The following DPF3 variants were observed in gnomAD, a reference collection of about 807,000 sequenced individuals.
DPF3 encodes double PHD fingers 3.
In DPF3, 18 loss-of-function variants were observed where a neutral mutation model predicts 56.8. The observed-to-expected ratio is 0.32, with a 90% CI of 0.22 to 0.47. The LOEUF (loss-of-function observed/expected upper bound fraction) is 0.47, where lower values mean the gene tolerates loss of function less well. Ranked by LOEUF, DPF3 falls within the 20% of genes least tolerant of loss-of-function variation. The probability of loss-of-function intolerance (pLI) is 1.00; values close to 1 mark genes in which losing one functional copy is unlikely to be tolerated. For synonymous variants in DPF3, 188 were observed against 180.2 expected (o/e 1.04, Z -0.35); for missense variants, 403 against 488.8 (o/e 0.82, Z 1.65).
chr14:72,756,867 AGAAAG>A (rs1890829017), intron 2 of DPF3, among the ~76,000 whole-genome samples: 6 of 117,156 alleles, frequency 5.1e-5, no homozygotes, highest in Admixed American at 8.6e-5. Context: ...AAAGAAAGAA[AGAAAG>A]GAAGGAAAGA....
intron 5 of DPF3, among the ~76,000 whole-genome samples, chr14:72,720,418 G>A (rs1007615672): frequency 6.6e-6 from 1 of 152,204 alleles, no homozygotes; most frequent in Non-Finnish European, 1.5e-5. Context: ...CAGCACAGGA[G>A]GCTTGCCCAC....
chr14:72,740,352 G>A (rs368358006), intron 3 of DPF3, among the ~76,000 whole-genome samples: 34 of 152,330 alleles, frequency 2.2e-4, no homozygotes, highest in South Asian at 1.7e-3. Flanking sequence ...GAAGGGGGTC[G>A]GAGCAGATGT....
chr14:72,698,713 T>C (rs986729131), intron 6 of DPF3, among the ~76,000 whole-genome samples: 7 of 152,134 alleles, frequency 4.6e-5, no homozygotes, highest in Non-Finnish European at 1.0e-4. Flanking sequence ...TAGGCTACAC[T>C]ATGGTTTAGT....
intron 4 of DPF3, among the ~76,000 whole-genome samples, chr14:72,730,446 C>T (rs984051066): frequency 2.6e-5 from 4 of 152,110 alleles, no homozygotes; most frequent in Admixed American, 6.5e-5. Context: ...CATCTTAACA[C>T]GGGAATGGCG....
At chr14:72,857,742 A>G (rs1885224336) in intron 1 of DPF3, among the ~76,000 whole-genome samples, 2 of 151,978 alleles carry the variant, frequency 1.3e-5, no homozygotes, top group African/African-American at 2.4e-5. Flanking sequence ...ACACGCCACC[A>G]TGCCCAGCTA....
At chr14:72,697,760 G>T (rs1319797348) in intron 6 of DPF3, among the ~76,000 whole-genome samples, 1 of 152,136 alleles carries the variant, frequency 6.6e-6, no homozygotes, top group East Asian at 1.9e-4. Flanking sequence ...ATGAGGACTT[G>T]TGCATGGAGA....
chr14:72,795,495 G>T (rs76504456), intron 1 of DPF3, among the ~76,000 whole-genome samples: 2 of 151,976 alleles, frequency 1.3e-5, no homozygotes, highest in East Asian at 1.9e-4. Flanking sequence ...CAAAATGCAC[G>T]CAGAATCTTT....
intron 1 of DPF3, among the ~76,000 whole-genome samples, chr14:72,844,625 C>T (rs963623436): frequency 3.9e-5 from 6 of 152,142 alleles, no homozygotes; most frequent in East Asian, 1.9e-4. Context: ...CACACACTCA[C>T]GCACAAACAC....
At chr14:72,776,726 C>T (rs966199077) in intron 1 of DPF3, among the ~76,000 whole-genome samples, 5 of 152,180 alleles carry the variant, frequency 3.3e-5, no homozygotes, top group African/African-American at 1.2e-4. Context: ...GGGCTCCTCC[C>T]TTTCACTGTC....
intron 1 of DPF3, among the ~76,000 whole-genome samples, chr14:72,839,421 C>T (rs1295603617): frequency 3.3e-5 from 5 of 152,146 alleles, no homozygotes; most frequent in Non-Finnish European, 5.9e-5. Flanking sequence ...ACCAGCCCAC[C>T]GAATAAGCCA....
chr14:72,756,423 C>T (rs971534343), intron 2 of DPF3, among the ~76,000 whole-genome samples: 14 of 152,182 alleles, frequency 9.2e-5, no homozygotes, highest in Non-Finnish European at 1.5e-4. Flanking sequence ...ATGCACATTG[C>T]ACAAGTTCAG....
chr14:72,703,930 T>C (rs1356972149), intron 6 of DPF3, among the ~76,000 whole-genome samples: 1 of 152,212 alleles, frequency 6.6e-6, no homozygotes, highest in Non-Finnish European at 1.5e-5. Flanking sequence ...CTTGATTCAG[T>C]ATAAAGAAAA....
intron 8 of DPF3, among the ~76,000 whole-genome samples, chr14:72,639,108 C>T (rs1003121675): frequency 1.1e-4 from 17 of 152,194 alleles, no homozygotes; most frequent in Admixed American, 3.9e-4. Flanking sequence ...TGAGCCAGTG[C>T]GCCATTTTTA....
At chr14:72,670,063 G>A (rs1222002559) in intron 8 of DPF3, 1 of 985,704 alleles carries the variant, frequency 1.0e-6, no homozygotes, top group African/African-American at 1.7e-5. Context: ...ATTTCAGGAA[G>A]TGCTATTGGA....
chr14:72,635,285 A>C (rs1228177708), intron 8 of DPF3, among the ~76,000 whole-genome samples: 2 of 152,174 alleles, frequency 1.3e-5, no homozygotes, highest in Non-Finnish European at 2.9e-5. Context: ...GGCTGGGAGT[A>C]CCCGGTGTTT....
rs59858422 is a variant in DPF3 at position 72,864,671 on chromosome 14, CGGATGGATGGAT to C, written c.32+29374_32+29385del. Among the ~76,000 whole-genome samples, 711 of 151,162 alleles carry C rather than the reference CGGATGGATGGAT, an allele frequency of 4.7e-3. 5 individuals carry two copies. The highest frequency in any genetic ancestry group is 9.5e-3 in the Admixed American group (144 of 15,176). On this transcript the variant is annotated intron_variant, in intron 1 of 10. Transcript: ENST00000556509. ...GCCCAGGTTGGCACTCAGTAATTAG[CGGATGGATGGAT>C]GGATGGATGGATGGATGGATGGATG...
chr14:72,756,949 G>GAAGA (rs1285144605), intron 2 of DPF3, among the ~76,000 whole-genome samples: 86 of 90,634 alleles, frequency 9.5e-4, no homozygotes, highest in Non-Finnish European at 1.6e-3. Context: ...AGAAGAGAAA[G>GAAGA]GGAGAGGGAA....
chr14:72,723,656 G>C lies in DPF3; in HGVS notation c.502C>G (p.Arg168Gly), dbSNP rs533714896. The C allele has an allele frequency of 5.1e-6, 8 of 1,583,836 alleles. No individual in the cohort carries two copies. The highest frequency in any genetic ancestry group is 1.4e-5 in the African/African-American group (1 of 72,158). Reference sequence around the variant, plus strand: ...ACCCGTCCTCTAGTCCTGTTCTTTCGCTTGGGAATATCCTCTTCCAAATCC... The same window carrying C: ...ACCCGTCCTCTAGTCCTGTTCTTTCCCTTGGGAATATCCTCTTCCAAATCC... ...EEDLEEDIPKRKNRTRGRARG... is the reference protein window; with the variant it reads ...EEDLEEDIPKGKNRTRGRARG... Residue 168 changes from arginine (R) to glycine (G), a missense_variant, in exon 5 of 11, where the codon CGA (arginine) becomes GGA (glycine). Coordinates refer to ENST00000556509, the MANE Select transcript of DPF3 (RefSeq NM_001280542.3).
intron 1 of DPF3, among the ~76,000 whole-genome samples, chr14:72,852,218 C>G (rs912476599): frequency 6.6e-6 from 1 of 152,170 alleles, no homozygotes; most frequent in African/African-American, 2.4e-5. Context: ...GTGCGCCCCT[C>G]AAGGCTTCCC....
Sources: gnomAD v4.1 joint callset for allele counts (sites outside exome capture counted in the v4.1 genomes callset) on GRCh38, gnomAD v4.1.1 for gene constraint, MANE v1.5 for transcripts, NCBI Gene and HGNC (gene_info 2026-07-23, HGNC 2026-07-21) for gene names.